TENM4: variants seen among roughly 807,000 people sequenced by gnomAD.
TENM4 encodes the protein teneurin transmembrane protein 4.
In TENM4, 82 loss-of-function variants were observed where a neutral mutation model predicts 243.3. The observed-to-expected ratio is 0.34, with a 90% confidence interval of 0.28 to 0.40. The LOEUF is 0.40. TENM4 is among the 10% of genes least tolerant of loss of function. The probability of loss-of-function intolerance (pLI) is 1.00; values close to 1 mark genes in which losing one functional copy is unlikely to be tolerated. For synonymous variants in TENM4, 1,412 were observed against 1,456.3 expected, an observed-to-expected ratio of 0.97 and a Z score of 0.69; for missense variants, 3,138 against 3,673.3, an observed-to-expected ratio of 0.85 and a Z score of 3.77.
At chr11:79,436,211 A>G (rs993312207) in intron 1 of TENM4, among the ~76,000 whole-genome samples, 5 of 152,220 alleles carry the variant, frequency 3.3e-5, no homozygotes, top group African/African-American at 9.6e-5. Flanking sequence ...ATTTAAAAAG[A>G]TGAGGAAATG....
chr11:79,280,037 CA>C (rs11355189), intron 2 of TENM4, among the ~76,000 whole-genome samples: 11,185 of 152,180 alleles, frequency 0.073, 893 homozygotes, highest in African/African-American at 0.19. Flanking sequence ...GATGTGGCAG[CA>C]AAAAGTGCCA....
At chr11:79,217,204 G>GCT (rs1864067908) in intron 2 of TENM4, among the ~76,000 whole-genome samples, 1 of 152,158 alleles carries the variant, frequency 6.6e-6, no homozygotes, top group African/African-American at 2.4e-5. Context: ...AGGGGGAGGT[G>GCT]CTAAGGTTTT....
intron 6 of TENM4, among the ~76,000 whole-genome samples, chr11:78,973,002 G>A (rs1857577368): frequency 6.6e-6 from 1 of 152,190 alleles, no homozygotes; most frequent in African/African-American, 2.4e-5. Context: ...TTGAAGCAAC[G>A]ATTAGGATTT....
intron 6 of TENM4, among the ~76,000 whole-genome samples, chr11:78,993,894 T>C (rs990394225): frequency 6.6e-6 from 1 of 152,232 alleles, no homozygotes; most frequent in African/African-American, 2.4e-5. Context: ...CTATCCTTCT[T>C]CTATGCACAC....
At chr11:79,217,930 G>C (rs985090628) in intron 2 of TENM4, among the ~76,000 whole-genome samples, 2 of 152,030 alleles carry the variant, frequency 1.3e-5, no homozygotes, top group East Asian at 3.9e-4. Context: ...TGGCCAGGCT[G>C]GTCTTGGACT....
At chr11:78,934,608 C>T (rs1274370074) in intron 6 of TENM4, among the ~76,000 whole-genome samples, 1 of 152,210 alleles carries the variant, frequency 6.6e-6, no homozygotes, top group Non-Finnish European at 1.5e-5. Flanking sequence ...GGCATTCTCT[C>T]TTCCCAGAGT....
chr11:78,756,756 C>A, intron 19 of TENM4, 49 bp downstream of exon 19: 1 of 1,539,026 alleles, frequency 6.5e-7, no homozygotes, highest in Non-Finnish European at 8.9e-7. Flanking sequence ...TAGAGTGATT[C>A]AGTTCTCCCT....
At chr11:78,887,300 T>C (rs1855568504) in intron 9 of TENM4, among the ~76,000 whole-genome samples, 1 of 152,246 alleles carries the variant, frequency 6.6e-6, no homozygotes, top group Admixed American at 6.5e-5. Context: ...GGCTAATGCC[T>C]ACTTTAAAAT....
At chr11:78,729,667 G>A (rs764262870) in intron 21 of TENM4, 24 bp from the exon 22 acceptor site, 33 of 1,587,834 alleles carry the variant, frequency 2.1e-5, no homozygotes, top group Non-Finnish European at 2.8e-5. Context: ...GCAGATCACA[G>A]CAAGGGACGG....
chr11:78,983,152 T>G (rs1282952256), intron 6 of TENM4, among the ~76,000 whole-genome samples: 1 of 152,224 alleles, frequency 6.6e-6, no homozygotes, highest in Non-Finnish European at 1.5e-5. Flanking sequence ...ACCTAGTGTA[T>G]AAAATGTTCT....
chr11:78,706,652 T>TC (rs1228474614), intron 27 of TENM4, among the ~76,000 whole-genome samples: 1 of 152,150 alleles, frequency 6.6e-6, no homozygotes, highest in Non-Finnish European at 1.5e-5. Flanking sequence ...AGCATTTTTT[T>TC]CCCCCTCCGC....
At chr11:79,002,833 C>T (rs1340626228) in intron 6 of TENM4, among the ~76,000 whole-genome samples, 1 of 152,092 alleles carries the variant, frequency 6.6e-6, no homozygotes, top group African/African-American at 2.4e-5. Context: ...ACAGAATTCA[C>T]AATATGCATA....
chr11:78,942,913 C>T (rs1856932973), intron 6 of TENM4, among the ~76,000 whole-genome samples: 1 of 151,794 alleles, frequency 6.6e-6, no homozygotes, highest in Non-Finnish European at 1.5e-5. Flanking sequence ...TTCTGGCTGA[C>T]TCCAAAGCCT....
At chr11:78,989,812 G>C (rs1857997779) in intron 6 of TENM4, among the ~76,000 whole-genome samples, 1 of 152,150 alleles carries the variant, frequency 6.6e-6, no homozygotes, top group South Asian at 2.1e-4. Flanking sequence ...CTAGCACTTT[G>C]GGAGGCTGAG....
At chr11:78,823,273 G>C (rs139956894) in intron 12 of TENM4, among the ~76,000 whole-genome samples, 1 of 152,200 alleles carries the variant, frequency 6.6e-6, no homozygotes, top group African/African-American at 2.4e-5. Context: ...CCTGCCCAGC[G>C]GTGGCCCAGG....
chr11:78,766,379 T>C (rs141627618), intron 18 of TENM4, among the ~76,000 whole-genome samples: 1 of 152,300 alleles, frequency 6.6e-6, no homozygotes, highest in African/African-American at 2.4e-5. Context: ...AACATCCCTA[T>C]AAGAGGATAA....
intron 3 of TENM4, among the ~76,000 whole-genome samples, chr11:79,204,279 T>A (rs1863804505): frequency 1.3e-5 from 2 of 152,240 alleles, no homozygotes; most frequent in South Asian, 4.1e-4. Flanking sequence ...GTCAATTATG[T>A]CTAAATAAAG....
chr11:79,084,225 T>C (rs1409441972), intron 4 of TENM4, among the ~76,000 whole-genome samples: 8 of 152,230 alleles, frequency 5.3e-5, no homozygotes, highest in East Asian at 1.9e-4. Context: ...CATTAAATGC[T>C]GGCAAGGATG....
At chr11:78,895,137 A>G (rs541890500) in intron 7 of TENM4, among the ~76,000 whole-genome samples, 3 of 151,830 alleles carry the variant, frequency 2.0e-5, no homozygotes, top group African/African-American at 7.3e-5. Flanking sequence ...AGGTCAGGAG[A>G]TCGAGACCAT....
Sources: gnomAD v4.1 joint callset for allele counts (sites outside exome capture counted in the v4.1 genomes callset) on GRCh38, gnomAD v4.1.1 for gene constraint, MANE v1.5 for transcripts, NCBI Gene and HGNC (gene_info 2026-07-23, HGNC 2026-07-21) for gene names.